IRAK3: variants seen among roughly 807,000 people sequenced by gnomAD.
IRAK3 encodes interleukin 1 receptor associated kinase 3.
A neutral mutation model predicts 56.6 loss-of-function variants in IRAK3; 57 were observed. That is an observed-to-expected ratio of 1.01 (90% confidence interval 0.81 to 1.26). IRAK3 has a LOEUF of 1.26. Among genes scored for constraint, IRAK3 ranks in the 50% most tolerant of loss-of-function variants. IRAK3 has a pLI of 0.00. For missense variants in IRAK3, 703 were observed against 719.0 expected, an observed-to-expected ratio of 0.98 and a Z score of 0.25; for synonymous variants, 258 against 255.7, an observed-to-expected ratio of 1.01 and a Z score of -0.09.
At chr12:66,239,478 T>C (rs984138149) in intron 8 of IRAK3, among the ~76,000 whole-genome samples, 15 of 152,160 alleles carry the variant, frequency 9.9e-5, no homozygotes, top group African/African-American at 3.1e-4. Flanking sequence ...AGGCTCCTCC[T>C]GCCTTTATCC....
intron 1 of IRAK3, among the ~76,000 whole-genome samples, chr12:66,190,291 T>G (rs2052386861): frequency 6.6e-6 from 1 of 152,138 alleles, no homozygotes; most frequent in Non-Finnish European, 1.5e-5. Flanking sequence ...TGATGAACAG[T>G]ATGGTGACAG....
At chr12:66,241,990 T>TTGTG (rs138758238) in intron 8 of IRAK3, among the ~76,000 whole-genome samples, 292 of 151,890 alleles carry the variant, frequency 1.9e-3, no homozygotes, top group African/African-American at 6.1e-3. Context: ...CAGGGTTTTT[T>TTGTG]TGTGTGTGTG....
intron 1 of IRAK3, among the ~76,000 whole-genome samples, chr12:66,200,963 A>C (rs911941139): frequency 6.6e-6 from 1 of 152,070 alleles, no homozygotes; most frequent in Non-Finnish European, 1.5e-5. Context: ...AGTGCACGCC[A>C]TCACACCTGG....
intron 2 of IRAK3, among the ~76,000 whole-genome samples, chr12:66,204,829 T>C (rs2052544547): frequency 6.7e-6 from 1 of 148,634 alleles, no homozygotes; most frequent in Admixed American, 6.7e-5. Flanking sequence ...CAAGGAATCC[T>C]GAGAGATTTG....
rs768487965 is a variant in IRAK3 at position 66,228,384 on chromosome 12, G to C, written c.887+14G>C. 6.3e-7 allele frequency: 1 copy of C among 1,580,804 alleles called. No homozygotes were observed. Among genetic ancestry groups the C allele is most frequent in the Admixed American group, 1.7e-5 (1 of 59,980 alleles). On this transcript the variant is annotated intron_variant, in intron 8 of 11. Coordinates refer to ENST00000261233, the MANE Select transcript of IRAK3 (RefSeq NM_007199.3). ...CAGTATATCAAGGTAAATTATTCCA[G>C]AGCTTTTGGTTATACCTGAAAGCTT...
At chr12:66,197,436 G>A in intron 1 of IRAK3, 1 of 984,646 alleles carries the variant, frequency 1.0e-6, no homozygotes, top group Admixed American at 6.1e-5. Flanking sequence ...CTATTTTATA[G>A]AATTGGATCT....
chr12:66,231,088 A>T (rs1356264804), intron 8 of IRAK3, among the ~76,000 whole-genome samples: 2 of 152,214 alleles, frequency 1.3e-5, no homozygotes, highest in Non-Finnish European at 2.9e-5. Flanking sequence ...TGGCACAGTG[A>T]CAGAGGCCAA....
Position 66,249,824 on chromosome 12 carries a change from G to C in IRAK3, c.*1653G>C, listed in dbSNP as rs936170422. On this transcript the variant is annotated 3_prime_UTR_variant, in exon 12 of 12. Transcript: ENST00000261233. ...TATAAAGACCTTTGTGATTTCACTG[G>C]GCCCACTCATATAAGCCAGGAAAAT... is the stretch of plus-strand genomic sequence containing the variant. The C allele has an allele frequency of 6.6e-6, 1 of 152,032 alleles. No homozygotes were observed. The highest frequency in any genetic ancestry group is 1.5e-5 in the Non-Finnish European group (1 of 68,018). 9.4% of individuals were successfully genotyped at this position (152,032 alleles called of 1,614,324 possible).
At position 66,247,743 on chromosome 12, in the gene IRAK3, G is replaced by A. The variant is rs148849112; in HGVS notation, c.1363G>A (p.Asp455Asn). The A allele has an allele frequency of 1.2e-6, 2 of 1,614,148 alleles. No homozygotes were observed. Among genetic ancestry groups the A allele is most frequent in the Non-Finnish European group, 1.7e-6 (2 of 1,179,988 alleles). Reference protein sequence around the residue: ...STQASLYFAEDPPTSLKSFRC... With the variant: ...STQASLYFAENPPTSLKSFRC... ...TCAAGCCAGCTTGTATTTTGCTGAA[G>A]ATCCTCCCACATCACTAAAGTCCTT... The change falls in exon 12 of 12, where the codon GAT becomes AAT. Residue 455 changes from aspartate to asparagine, a missense_variant. Coordinates refer to ENST00000261233, the MANE Select transcript of IRAK3 (RefSeq NM_007199.3).
chr12:66,197,749 C>CT (rs967035056), intron 1 of IRAK3: 2 of 985,258 alleles, frequency 2.0e-6, no homozygotes, highest in African/African-American at 3.5e-5. Context: ...GTTAGAGACC[C>CT]TAAAACCCCA....
At chr12:66,211,834 G>A (rs2052615253) in intron 5 of IRAK3, among the ~76,000 whole-genome samples, 1 of 152,138 alleles carries the variant, frequency 6.6e-6, no homozygotes, top group Admixed American at 6.5e-5. Context: ...TTCTGGGCTG[G>A]GTGTGGTGGT....
In IRAK3 at chr12:66,215,788, A is replaced by ACGTGCACGTGCGCGCGCGCGCGCG. The variant is rs375264640; in HGVS notation, c.589-1382_589-1381insGTGCACGTGCGCGCGCGCGCGCGC. Among the ~76,000 whole-genome samples, 82 of 131,670 alleles carry ACGTGCACGTGCGCGCGCGCGCGCG rather than the reference A, an allele frequency of 6.2e-4. 1 individual carries two copies. The highest frequency in any genetic ancestry group is 4.0e-3 in the South Asian group (16 of 4,024). 86.4% of individuals were successfully genotyped at this position (131,670 alleles called of 152,430 possible). The stretch of plus-strand genomic sequence containing the variant: ...CGCCCCCTATTTTAACCCAACATGC[A>ACGTGCACGTGCGCGCGCGCGCGCG]CACACACACACACACACACACACAC... On this transcript the variant is annotated intron_variant, in intron 5 of 11. Transcript: ENST00000261233.
rs770161897 is a variant in IRAK3 at position 66,245,103 on chromosome 12, T to A, written c.1155T>A (p.Asp385Glu). Residue 385 changes from aspartate (D) to glutamate (E), a missense_variant, in exon 11 of 12, where the codon GAT becomes GAA. Asp to Glu is a conservative substitution (Grantham distance 45, BLOSUM62 2). Coordinates refer to ENST00000261233, the MANE Select transcript of IRAK3 (RefSeq NM_007199.3). ...LDDPKHIQLRDLLRELMEKRG... is the reference protein window; with the variant it reads ...LDDPKHIQLRELLRELMEKRG... Reference sequence around the variant, plus strand: ...TTGTCTCCCTCTCTTCCAAGCGGGATCTCCTTAGAGAATTGATGGAGAAGA... The same window carrying A: ...TTGTCTCCCTCTCTTCCAAGCGGGAACTCCTTAGAGAATTGATGGAGAAGA... The A allele has an allele frequency of 1.2e-6, 2 of 1,614,128 alleles. No homozygotes were observed. Among genetic ancestry groups the A allele is most frequent in the Non-Finnish European group, 1.7e-6 (2 of 1,180,000 alleles).
intron 8 of IRAK3, chr12:66,234,439 T>A: frequency 1.2e-6 from 2 of 1,611,506 alleles, no homozygotes; most frequent in Admixed American, 3.3e-5. Context: ...TAATAGAAGT[T>A]TGAGTGATCA....
chr12:66,193,289 A>T (rs941465671), intron 1 of IRAK3, among the ~76,000 whole-genome samples: 1 of 152,128 alleles, frequency 6.6e-6, no homozygotes, highest in Non-Finnish European at 1.5e-5. Context: ...CTGGGATTAC[A>T]GGCGTGAGCC....
At chr12:66,221,504 A>G (rs2052733337) in intron 6 of IRAK3, among the ~76,000 whole-genome samples, 1 of 152,244 alleles carries the variant, frequency 6.6e-6, no homozygotes, top group Admixed American at 6.5e-5. Flanking sequence ...GGTTTGTCAT[A>G]TATGGCATTT....
chr12:66,244,122 G>A (rs1172773991), intron 8 of IRAK3, among the ~76,000 whole-genome samples: 1 of 152,192 alleles, frequency 6.6e-6, no homozygotes, highest in Admixed American at 6.5e-5. Context: ...ATAATCAGCT[G>A]ATTAAAACTC....
chr12:66,226,271 C>A (rs151311561), intron 6 of IRAK3, among the ~76,000 whole-genome samples: 1 of 150,610 alleles, frequency 6.6e-6, no homozygotes, highest in Non-Finnish European at 1.5e-5. Context: ...GGTGGAGTCT[C>A]GCTCTTGTCG....
chr12:66,234,319 C>T (rs2052878996), intron 8 of IRAK3: 1 of 1,612,704 alleles, frequency 6.2e-7, no homozygotes, highest in Non-Finnish European at 8.5e-7. Context: ...TGGTGTGCTC[C>T]ATTGAGGGAG....
Sources: allele counts gnomAD v4.1 joint callset (sites outside exome capture counted in the v4.1 genomes callset), GRCh38; gene constraint gnomAD v4.1.1; transcripts MANE v1.5; gene names NCBI Gene and HGNC (gene_info 2026-07-23, HGNC 2026-07-21).